Variants in NFIB observed in about 807,000 individuals in gnomAD.
NFIB encodes the protein nuclear factor I B, also known as nuclear factor 1 B-type.
In NFIB, 11 loss-of-function variants were observed where a neutral mutation model predicts 61.5. The ratio of observed to expected loss-of-function variants is 0.18; its 90% confidence interval spans 0.11 to 0.30. The LOEUF is 0.30. Ranked by LOEUF, NFIB falls within the 10% of genes least tolerant of loss-of-function variation. The pLI is 1.00. For missense variants in NFIB, 471 were observed against 608.9 expected, an observed-to-expected ratio of 0.77 and a Z score of 2.38; for synonymous variants, 260 against 216.5, an observed-to-expected ratio of 1.20 and a Z score of -1.76.
At chr9:14,513,329 T>C in the NFIB span, among the ~76,000 whole-genome samples, 5 of 152,192 alleles carry the variant, frequency 3.3e-5, no homozygotes, top group African/African-American at 1.2e-4. Flanking sequence ...ATTTTCATTT[T>C]AAATGAAACA....
the NFIB span, among the ~76,000 whole-genome samples, chr9:14,529,041 G>A: frequency 6.6e-6 from 1 of 152,068 alleles, no homozygotes; most frequent in Non-Finnish European, 1.5e-5. Context: ...AATATATAAG[G>A]ATGCGTCATT....
intron 1 of NFIB, chr9:14,362,055 G>T (rs1345720589): frequency 2.0e-5 from 3 of 152,134 alleles, no homozygotes; most frequent in Non-Finnish European, 4.4e-5. Flanking sequence ...AGGTACTAGG[G>T]CCTCTCTACA....
intron 2 of NFIB, chr9:14,180,654 C>T (rs2046665811): frequency 6.6e-6 from 1 of 152,228 alleles, no homozygotes; most frequent in African/African-American, 2.4e-5. Flanking sequence ...TTATTATACA[C>T]TTACTTGCGA....
At chr9:14,494,052 A>G in the NFIB span, among the ~76,000 whole-genome samples, 419 of 152,276 alleles carry the variant, frequency 2.8e-3, 3 homozygotes, top group African/African-American at 9.7e-3. Context: ...GATACATGAG[A>G]CATATTCTTA....
At chr9:14,196,872 G>A (rs931951373) in intron 2 of NFIB, among the ~76,000 whole-genome samples, 1 of 152,064 alleles carries the variant, frequency 6.6e-6, no homozygotes, top group Admixed American at 6.6e-5. Context: ...TTGTCAAATC[G>A]TATGGAATTC....
chr9:14,244,343 A>G (rs2054660348), intron 2 of NFIB, among the ~76,000 whole-genome samples: 1 of 152,250 alleles, frequency 6.6e-6, no homozygotes, highest in Non-Finnish European at 1.5e-5. Flanking sequence ...AACAAAGTTA[A>G]AATATATACC....
chr9:14,485,178 T>G, the NFIB span, among the ~76,000 whole-genome samples: 2 of 152,302 alleles, frequency 1.3e-5, no homozygotes, highest in Non-Finnish European at 1.5e-5. Flanking sequence ...ACAAATGAAT[T>G]TGGAGGGGAC....
intron 2 of NFIB, among the ~76,000 whole-genome samples, chr9:14,242,467 TTCTATACA>T: frequency 6.6e-6 from 1 of 152,308 alleles, no homozygotes; most frequent in East Asian, 1.9e-4. Flanking sequence ...TCTCCCCTTG[TTCTATACA>T]TCAGAGATGT....
At chr9:14,150,657 C>T (rs1484681692) in intron 4 of NFIB, among the ~76,000 whole-genome samples, 1 of 151,810 alleles carries the variant, frequency 6.6e-6, no homozygotes, top group Admixed American at 6.6e-5. Flanking sequence ...CCTAGGCTCT[C>T]GAAAACCAAA....
chr9:14,181,751 G>A (rs1300167972), intron 2 of NFIB, among the ~76,000 whole-genome samples: 1 of 152,116 alleles, frequency 6.6e-6, no homozygotes, highest in Non-Finnish European at 1.5e-5. Flanking sequence ...CCACTGACCA[G>A]AGCCTCCCTA....
intron 1 of NFIB, among the ~76,000 whole-genome samples, chr9:14,319,189 T>TA (rs77773525): frequency 3.3e-3 from 460 of 137,826 alleles, no homozygotes; most frequent in Middle Eastern, 7.2e-3. Context: ...CTCCACTGTT[T>TA]AAAAAAAAAA....
chr9:14,204,113 C>T (rs1470543668), intron 2 of NFIB: 2 of 401,740 alleles, frequency 5.0e-6, no homozygotes, highest in Admixed American at 4.0e-5. Flanking sequence ...GTTTTCTTCT[C>T]ATCCTTTAAC....
chr9:14,162,945 T>A (rs2044365558), intron 3 of NFIB, among the ~76,000 whole-genome samples: 2 of 151,972 alleles, frequency 1.3e-5, no homozygotes. Context: ...AAGGTATGCC[T>A]CTCTCCAACG....
chr9:14,394,447 G>A (rs952548712), intron 1 of NFIB, among the ~76,000 whole-genome samples: 2 of 152,148 alleles, frequency 1.3e-5, no homozygotes, highest in African/African-American at 4.8e-5. Context: ...AATGGTGGAA[G>A]GCAAAAGAGA....
intron 1 of NFIB, among the ~76,000 whole-genome samples, chr9:14,375,866 T>A (rs2061413010): frequency 6.6e-6 from 1 of 152,156 alleles, no homozygotes; most frequent in Non-Finnish European, 1.5e-5. Context: ...CTTGTCATAC[T>A]CACATATAAC....
chr9:14,094,740 A>G (rs889911432), intron 10 of NFIB, among the ~76,000 whole-genome samples: 1 of 152,154 alleles, frequency 6.6e-6, no homozygotes, highest in Admixed American at 6.6e-5. Flanking sequence ...ATAGGACTTC[A>G]CAGTAATGAA....
In NFIB at chr9:14,158,416, C is replaced by T. The variant is rs62532511; in HGVS notation, c.617-2523G>A. Reference sequence around the variant, plus strand: ...TCCTTCCTCTGTACTTGTATAGCACCTAGTTTGTACTAATTTTATACTTTG... The same window carrying T: ...TCCTTCCTCTGTACTTGTATAGCACTTAGTTTGTACTAATTTTATACTTTG... On this transcript the variant is annotated intron_variant, in intron 3 of 10. Coordinates refer to ENST00000380953, the MANE Select transcript of NFIB (RefSeq NM_001190737.2). Among the ~76,000 whole-genome samples the T allele has an allele frequency of 1.1e-4, 17 of 152,300 alleles. No homozygotes were observed. The East Asian group carries it at 2.9e-3, about 26-fold the overall frequency.
chr9:14,149,134 G>A (rs933107542), intron 5 of NFIB, among the ~76,000 whole-genome samples: 1 of 152,130 alleles, frequency 6.6e-6, no homozygotes, highest in Non-Finnish European at 1.5e-5. Flanking sequence ...ACTTTGATAT[G>A]TCAGAGACTA....
At chr9:14,262,742 G>A (rs954103302) in intron 2 of NFIB, among the ~76,000 whole-genome samples, 1 of 152,124 alleles carries the variant, frequency 6.6e-6, no homozygotes, top group Non-Finnish European at 1.5e-5. Context: ...GTTCATACGC[G>A]TCAAGAGTCA....
Sources: allele counts gnomAD v4.1 joint callset (sites outside exome capture counted in the v4.1 genomes callset), GRCh38; gene constraint gnomAD v4.1.1; transcripts MANE v1.5; gene names NCBI Gene and HGNC (gene_info 2026-07-23, HGNC 2026-07-21).